EZH2: variants seen among roughly 807,000 people sequenced by gnomAD.
The protein encoded by EZH2 is enhancer of zeste 2 polycomb repressive complex 2 subunit.
In EZH2, 18 loss-of-function variants were observed where a neutral mutation model predicts 98.4. That is an observed-to-expected ratio of 0.18 (90% CI 0.13 to 0.27). EZH2 has a LOEUF of 0.27. Among genes scored for constraint, EZH2 ranks in the 10% least tolerant of loss-of-function variants. The pLI is 1.00. For synonymous variants in EZH2, 338 were observed against 312.3 expected (o/e 1.08, Z -0.87); for missense variants, 470 against 935.1 (o/e 0.50, Z 6.49).
Position 148,873,491 on chromosome 7 carries a change from C to CAA in EZH2, c.-8+10671_-8+10672dup, listed in dbSNP as rs1162280467. Among the ~76,000 whole-genome samples the CAA allele has an allele frequency of 2.0e-3, 118 of 58,452 alleles. 3 individuals carry two copies. The highest frequency in any genetic ancestry group is 5.9e-3 in the African/African-American group (94 of 16,064). 38.3% of individuals were successfully genotyped at this position (58,452 alleles called of 152,430 possible). On this transcript the variant is annotated intron_variant, in intron 1 of 19. Coordinates refer to ENST00000320356, the MANE Select transcript of EZH2 (RefSeq NM_004456.5). ...TGGGTGACAGAGTGAGACTCTGTCT[C>CAA]AAAAAAAAAAAAAAAAAAAGAAAGA...
chr7:148,822,012 T>C (rs1328606370), intron 8 of EZH2, among the ~76,000 whole-genome samples: 1 of 152,182 alleles, frequency 6.6e-6, no homozygotes, highest in Non-Finnish European at 1.5e-5. Context: ...TAGTGAAAGA[T>C]GAACTTTTCA....
At chr7:148,823,397 T>C (rs1806737652) in intron 8 of EZH2, among the ~76,000 whole-genome samples, 1 of 152,182 alleles carries the variant, frequency 6.6e-6, no homozygotes, top group African/African-American at 2.4e-5. Context: ...TATGCAGCTA[T>C]ACAGATAAAG....
At chr7:148,838,737 C>T (rs1292001989) in intron 3 of EZH2, among the ~76,000 whole-genome samples, 1 of 152,130 alleles carries the variant, frequency 6.6e-6, no homozygotes, top group African/African-American at 2.4e-5. Context: ...GGGTTTAATA[C>T]TACAAAGTAG....
At chr7:148,881,726 G>T (rs1284025536) in intron 1 of EZH2, among the ~76,000 whole-genome samples, 2 of 152,174 alleles carry the variant, frequency 1.3e-5, no homozygotes, top group East Asian at 3.9e-4. Context: ...TTCAGGTCAG[G>T]AGTTCGAGAC....
intron 6 of EZH2, among the ~76,000 whole-genome samples, chr7:148,828,097 G>C (rs1808245760): frequency 6.6e-6 from 1 of 152,196 alleles, no homozygotes; most frequent in Non-Finnish European, 1.5e-5. Flanking sequence ...TAGCCTGGGC[G>C]ACAGAGCGAG....
chr7:148,821,949 G>C (rs1446271851), intron 8 of EZH2, among the ~76,000 whole-genome samples: 1 of 152,206 alleles, frequency 6.6e-6, no homozygotes, highest in African/African-American at 2.4e-5. Context: ...GGAACACAAT[G>C]TTGAGAAACC....
intron 1 of EZH2, among the ~76,000 whole-genome samples, chr7:148,877,236 C>T (rs1468345582): frequency 6.6e-6 from 1 of 152,122 alleles, no homozygotes; most frequent in Non-Finnish European, 1.5e-5. Flanking sequence ...AATGAGATAA[C>T]AGGGATCAAT....
At chr7:148,830,621 CAT>C (rs1809107264) in intron 4 of EZH2, among the ~76,000 whole-genome samples, 1 of 151,958 alleles carries the variant, frequency 6.6e-6, no homozygotes, top group South Asian at 2.1e-4. Flanking sequence ...TCTACAAAAA[CAT>C]AAAATATTTC....
intron 8 of EZH2, among the ~76,000 whole-genome samples, chr7:148,825,453 C>G (rs1318204488): frequency 1.3e-5 from 2 of 152,186 alleles, no homozygotes; most frequent in Non-Finnish European, 2.9e-5. Flanking sequence ...ATGTCACACA[C>G]AAAAACAAAA....
At chr7:148,817,183 T>C (rs572964142) in intron 11 of EZH2, 39 bp downstream of exon 11, 3 of 1,582,526 alleles carry the variant, frequency 1.9e-6, no homozygotes, top group African/African-American at 2.7e-5. Context: ...ATCTCTATGT[T>C]TGAAGCTCTT....
chr7:148,829,040 T>C (rs543517806), intron 5 of EZH2, among the ~76,000 whole-genome samples, 160 bp from the exon 6 acceptor site: 1 of 152,278 alleles, frequency 6.6e-6, no homozygotes, highest in Non-Finnish European at 1.5e-5. Context: ...TTTTCAGGAC[T>C]GGTGTTAGGC....
At chr7:148,813,468 G>GT (rs1446198325) in intron 15 of EZH2, among the ~76,000 whole-genome samples, 4 of 151,580 alleles carry the variant, frequency 2.6e-5, no homozygotes, top group East Asian at 1.9e-4. Flanking sequence ...TCCTAGCTGG[G>GT]TTTTTTTCAA....
chr7:148,829,805 T>A lies in EZH2; in HGVS notation c.407A>T (p.Asp136Val), dbSNP rs1484428746. 6.2e-7 allele frequency: 1 copy of A among 1,601,810 alleles called. No individual in the cohort carries two copies. Among genetic ancestry groups the A allele is most frequent in the Non-Finnish European group, 8.5e-7 (1 of 1,172,256 alleles). The change falls in exon 5 of 20, where the codon GAT becomes GTT. Residue 136 changes from aspartate (D) to valine (V), a missense_variant. Physicochemically the swap from Asp to Val is radical, Grantham distance 152 (BLOSUM62 -3). Around this residue, in one of 6 missense-constraint regions of EZH2, gnomAD observed 21 missense variants for 84.2 expected, o/e 0.25. Coordinates refer to ENST00000320356, the MANE Select transcript of EZH2 (RefSeq NM_004456.5). Reference sequence around the variant, plus strand: ...AGTACCATCCTGATCTAAAACTTCATCTCCCATATAAGGAATGTTATGTAA... The same window carrying A: ...AGTACCATCCTGATCTAAAACTTCAACTCCCATATAAGGAATGTTATGTAA... The part of the protein sequence containing the change: ...TVLHNIPYMG[D>V]EVLDQDGTFI...
chr7:148,860,105 T>G (rs529279039), intron 1 of EZH2, among the ~76,000 whole-genome samples: 1 of 152,218 alleles, frequency 6.6e-6, no homozygotes, highest in Non-Finnish European at 1.5e-5. Context: ...TCCTTAAATA[T>G]GTACAGCTAA....
At chr7:148,813,514 C>A (rs1236654183) in intron 15 of EZH2, among the ~76,000 whole-genome samples, 1 of 151,560 alleles carries the variant, frequency 6.6e-6, no homozygotes, top group Non-Finnish European at 1.5e-5. Flanking sequence ...TCTATAAAAA[C>A]CTGCCATGGG....
chr7:148,873,491 C>CAAAAAAAAAAAA (rs1162280467), intron 1 of EZH2, among the ~76,000 whole-genome samples: 1 of 58,526 alleles, frequency 1.7e-5, no homozygotes, highest in East Asian at 5.7e-4. Context: ...GACTCTGTCT[C>CAAAAAAAAAAAA]AAAAAAAAAA....
chr7:148,814,330 CACT>C (rs1189347529), intron 14 of EZH2, among the ~76,000 whole-genome samples, 193 bp from the exon 15 acceptor site: 7 of 152,152 alleles, frequency 4.6e-5, no homozygotes, highest in African/African-American at 1.2e-4. Context: ...AAAAGACCAC[CACT>C]GAGTTGTTTT....
rs1046513103 is a variant in EZH2 at position 148,866,528 on chromosome 7, A to G, written c.-8+17636T>C. On this transcript the variant is annotated intron_variant, in intron 1 of 19. Coordinates refer to ENST00000320356, the MANE Select transcript of EZH2 (RefSeq NM_004456.5). ...TATATACATATATATGTGTATATACATATATATACGTATATACATATATAT... is the reference window on the plus strand; with the variant it reads ...TATATACATATATATGTGTATATACGTATATATACGTATATACATATATAT... 1.4e-4 allele frequency among the ~76,000 whole-genome samples: 14 copies of G among 103,340 alleles called. No homozygotes were observed. In the East Asian group the frequency reaches 1.7e-3, roughly 13 times the overall value. 67.8% of individuals were successfully genotyped at this position (103,340 alleles called of 152,430 possible). A position where few individuals can be genotyped will look rare whatever the true frequency, so the allele number is the denominator to read the frequency against.
intron 1 of EZH2, among the ~76,000 whole-genome samples, chr7:148,849,876 T>G (rs1448541503): frequency 6.6e-6 from 1 of 152,204 alleles, no homozygotes; most frequent in Admixed American, 6.5e-5. Flanking sequence ...AGGAATGATC[T>G]GTAGCCTCAT....
Sources: gnomAD v4.1 joint callset for allele counts (sites outside exome capture counted in the v4.1 genomes callset) on GRCh38, gnomAD v4.1.1 for gene constraint, gnomAD v4.1.1 regional missense constraint, MANE v1.5 for transcripts, NCBI Gene and HGNC (gene_info 2026-07-23, HGNC 2026-07-21) for gene names.